Variants in CDH18 observed in about 807,000 individuals in gnomAD.
The protein encoded by CDH18 is cadherin-18.
In CDH18, 31 loss-of-function variants were observed where a neutral mutation model predicts 67.9. The observed-to-expected ratio is 0.46, with a 90% CI of 0.34 to 0.62. The LOEUF (loss-of-function observed/expected upper bound fraction) is 0.62, where lower values mean the gene tolerates loss of function less well. Among genes scored for constraint, CDH18 ranks in the 20% least tolerant of loss-of-function variants. CDH18 has a pLI of 0.01. For synonymous variants in CDH18, 362 were observed against 347.2 expected (o/e 1.04, Z -0.48); for missense variants, 890 against 975.5 (o/e 0.91, Z 1.17).
intron 2 of CDH18, among the ~76,000 whole-genome samples, chr5:19,914,980 G>A (rs1239332455): frequency 1.3e-5 from 2 of 152,066 alleles, no homozygotes; most frequent in Non-Finnish European, 2.9e-5. Flanking sequence ...CCGAAGGAAA[G>A]AATTAACCTT....
At chr5:20,213,505 T>C (rs1051981916) in intron 2 of CDH18, among the ~76,000 whole-genome samples, 1 of 152,110 alleles carries the variant, frequency 6.6e-6, no homozygotes, top group Non-Finnish European at 1.5e-5. Flanking sequence ...TGAATCCATC[T>C]GGTTCTGGGC....
chr5:19,483,496 C>T lies in CDH18; in HGVS notation c.1687G>A (p.Val563Met), dbSNP rs1474669979. Reference protein sequence around the residue: ...RRRFSRTVQDVYYLPIMISDG... With the variant: ...RRRFSRTVQDMYYLPIMISDG... ...GAGATCATAATGGGCAGATAATACA[C>T]ATCCTGAACAGTTCGACTAAATCTC... is the stretch of plus-strand genomic sequence containing the variant. The change falls in exon 12 of 13, where the codon GTG becomes ATG. Residue 563 changes from valine to methionine, a missense_variant. Physicochemically the swap from Val to Met is conservative, Grantham distance 21 (BLOSUM62 1). Coordinates refer to ENST00000382275, the MANE Select transcript of CDH18 (RefSeq NM_004934.5). 1 of 1,614,010 alleles carries T rather than the reference C, an allele frequency of 6.2e-7. No individual in the cohort carries two copies.
chr5:19,878,180 A>C (rs1787244467), intron 2 of CDH18: 1 of 152,068 alleles, frequency 6.6e-6, no homozygotes, highest in Admixed American at 6.6e-5. Context: ...TATTCTTTAT[A>C]AATTTAATTG....
At chr5:19,775,444 C>G (rs902598640) in intron 3 of CDH18, among the ~76,000 whole-genome samples, 1 of 152,150 alleles carries the variant, frequency 6.6e-6, no homozygotes, top group African/African-American at 2.4e-5. Flanking sequence ...GATGCGGAAT[C>G]TGCTTCTGTG....
At chr5:20,129,376 G>A (rs1334504490) in intron 2 of CDH18, among the ~76,000 whole-genome samples, 2 of 151,926 alleles carry the variant, frequency 1.3e-5, no homozygotes. Flanking sequence ...TACACAATTT[G>A]CTTTTTATCT....
Position 20,347,877 on chromosome 5 carries a change from C to A in CDH18, c.-579-92372G>T, listed in dbSNP as rs528169480. Among the ~76,000 whole-genome samples, 7 of 152,130 alleles carry A rather than the reference C, an allele frequency of 4.6e-5. No homozygotes were observed. The South Asian group carries it at 8.3e-4, about 18-fold the overall frequency. On this transcript the variant is annotated intron_variant, in intron 1 of 14. Transcript: ENST00000507958. Reference sequence around the variant, plus strand: ...TCCTGGCTTCTGCCACATAACATATCAGGAACTCAGTCCTGTTTCTGGAAA... The same window carrying A: ...TCCTGGCTTCTGCCACATAACATATAAGGAACTCAGTCCTGTTTCTGGAAA...
chr5:19,644,195 A>G (rs1754427021), intron 5 of CDH18, among the ~76,000 whole-genome samples: 2 of 152,060 alleles, frequency 1.3e-5, no homozygotes, highest in Non-Finnish European at 2.9e-5. Context: ...TAAGAGAAAA[A>G]TCTACTCAGC....
chr5:20,159,735 G>A (rs187892764), intron 2 of CDH18, among the ~76,000 whole-genome samples: 5 of 152,002 alleles, frequency 3.3e-5, no homozygotes, highest in South Asian at 2.1e-4. Flanking sequence ...CAAGTTTAAC[G>A]GTCTTTAAGC....
intron 1 of CDH18, among the ~76,000 whole-genome samples, chr5:20,367,389 CGCTG>C (rs1276159457): frequency 6.6e-6 from 1 of 152,110 alleles, no homozygotes; most frequent in East Asian, 1.9e-4. Flanking sequence ...CAAACACTTT[CGCTG>C]GCTGGCCAGA....
chr5:20,075,704 T>C (rs750820869), intron 2 of CDH18, among the ~76,000 whole-genome samples: 138 of 152,278 alleles, frequency 9.1e-4, no homozygotes, highest in Non-Finnish European at 1.6e-3. Context: ...GGTGGGACAG[T>C]AAAAATAGAG....
intron 11 of CDH18, among the ~76,000 whole-genome samples, chr5:19,489,242 T>C (rs1437312581): frequency 6.8e-6 from 1 of 147,276 alleles, no homozygotes; most frequent in African/African-American, 2.6e-5. Context: ...GTTTGTTCTT[T>C]TTTTTTTCTT....
At chr5:19,639,055 T>C (rs1037030087) in intron 5 of CDH18, among the ~76,000 whole-genome samples, 35 of 135,966 alleles carry the variant, frequency 2.6e-4, no homozygotes, top group African/African-American at 8.7e-4. Flanking sequence ...CAGGCTGGAG[T>C]GCAGTGGCGC....
intron 3 of CDH18, among the ~76,000 whole-genome samples, chr5:19,835,436 C>T (rs757786837): frequency 1.3e-5 from 2 of 151,612 alleles, no homozygotes; most frequent in African/African-American, 4.8e-5. Context: ...CAACCCTGCA[C>T]GTTTTGCACA....
chr5:20,296,826 C>G (rs1188764266), intron 1 of CDH18, among the ~76,000 whole-genome samples: 1 of 151,588 alleles, frequency 6.6e-6, no homozygotes, highest in African/African-American at 2.4e-5. Context: ...AATAATATTA[C>G]TATGATATTT....
intron 1 of CDH18, among the ~76,000 whole-genome samples, chr5:20,490,114 A>T (rs1753497727): frequency 6.6e-6 from 1 of 151,240 alleles, no homozygotes; most frequent in Non-Finnish European, 1.5e-5. Flanking sequence ...ATTAATAAAT[A>T]ATCATTGCTA....
intron 1 of CDH18, among the ~76,000 whole-genome samples, chr5:20,281,413 G>C (rs1315095451): frequency 6.6e-6 from 1 of 152,092 alleles, no homozygotes; most frequent in Non-Finnish European, 1.5e-5. Flanking sequence ...TCCAGTTTCA[G>C]CTTTCTACAT....
intron 1 of CDH18, among the ~76,000 whole-genome samples, chr5:20,562,604 A>T (rs1758282286): frequency 6.6e-6 from 1 of 151,736 alleles, no homozygotes. Context: ...AATTATTATT[A>T]AAAATGCTAT....
At chr5:19,991,195 T>C (rs1279449110), upstream of CDH18, among the ~76,000 whole-genome samples, 2 of 152,182 alleles carry the variant, frequency 1.3e-5, no homozygotes, top group East Asian at 3.9e-4. Flanking sequence ...TAGCAAGTTA[T>C]GTGATGTTTC....
chr5:20,239,594 T>G (rs1361739975), intron 2 of CDH18, among the ~76,000 whole-genome samples: 26 of 152,198 alleles, frequency 1.7e-4, no homozygotes, highest in Admixed American at 1.7e-3. Flanking sequence ...CTTTTTCAGA[T>G]AGTGAAAATA....
Sources: allele counts gnomAD v4.1 joint callset (sites outside exome capture counted in the v4.1 genomes callset), GRCh38; gene constraint gnomAD v4.1.1; transcripts MANE v1.5; gene names NCBI Gene and HGNC (gene_info 2026-07-23, HGNC 2026-07-21).